The following ZNF609 variants were observed in gnomAD, a reference collection of about 807,000 sequenced individuals.
The protein encoded by ZNF609 is zinc finger protein 609.
In ZNF609, 11 loss-of-function variants were observed where a neutral mutation model predicts 109.5. The ratio of observed to expected loss-of-function variants is 0.10; its 90% CI spans 0.06 to 0.17. The LOEUF is 0.17. Ranked by LOEUF, ZNF609 falls within the 10% of genes least tolerant of loss-of-function variation. The pLI, the probability that ZNF609 is intolerant of heterozygous loss-of-function variation, is 1.00. For missense variants in ZNF609, 1,559 were observed against 1,772.4 expected (o/e 0.88, Z 2.16); for synonymous variants, 646 against 662.0 (o/e 0.98, Z 0.37).
At chr15:64,471,461 A>G (rs1322195544) in intron 1 of ZNF609, 1 of 152,136 alleles carries the variant, frequency 6.6e-6, no homozygotes, top group East Asian at 1.9e-4. Flanking sequence ...GCCTTGCTTT[A>G]TTCCCAGCCA....
At chr15:64,629,031 A>G (rs1348065897) in intron 3 of ZNF609, among the ~76,000 whole-genome samples, 1 of 152,126 alleles carries the variant, frequency 6.6e-6, no homozygotes, top group Non-Finnish European at 1.5e-5. Flanking sequence ...AGTCCTTCCT[A>G]GACTTCTATT....
intron 2 of ZNF609, among the ~76,000 whole-genome samples, chr15:64,582,159 A>C (rs538317050): frequency 6.6e-6 from 1 of 152,280 alleles, no homozygotes; most frequent in South Asian, 2.1e-4. Flanking sequence ...TTGTAAATAA[A>C]GTTTGTTTAA....
At chr15:64,484,894 AACCCGGGAGGCGG>A (rs1893311070) in intron 1 of ZNF609, among the ~76,000 whole-genome samples, 1 of 151,982 alleles carries the variant, frequency 6.6e-6, no homozygotes, top group South Asian at 2.1e-4. Flanking sequence ...GAACCGCTTG[AACCCGGGAGGCGG>A]AGGTTGCAGT....
chr15:64,613,475 T>G (rs537563036), intron 2 of ZNF609, among the ~76,000 whole-genome samples: 1 of 152,346 alleles, frequency 6.6e-6, no homozygotes, highest in South Asian at 2.1e-4. Context: ...AATTATCCCA[T>G]GATGTCTACC....
intron 2 of ZNF609, among the ~76,000 whole-genome samples, chr15:64,538,629 C>T (rs181709394): frequency 6.6e-6 from 1 of 152,276 alleles, no homozygotes; most frequent in Non-Finnish European, 1.5e-5. Context: ...TCACCGCAAC[C>T]TCCGCCTCCT....
intron 2 of ZNF609, among the ~76,000 whole-genome samples, chr15:64,507,269 A>G (rs1420353258): frequency 6.6e-6 from 1 of 152,210 alleles, no homozygotes; most frequent in South Asian, 2.1e-4. Flanking sequence ...CTTAGCCCTT[A>G]ATCTTCCTCC....
intron 1 of ZNF609, among the ~76,000 whole-genome samples, chr15:64,490,734 C>A (rs1267620659): frequency 6.6e-6 from 1 of 152,128 alleles, no homozygotes; most frequent in East Asian, 1.9e-4. Flanking sequence ...TTCAGGATAC[C>A]ATTTAGCCTA....
At chr15:64,603,539 G>A (rs1437215609) in intron 2 of ZNF609, among the ~76,000 whole-genome samples, 2 of 151,684 alleles carry the variant, frequency 1.3e-5, no homozygotes, top group Non-Finnish European at 2.9e-5. Flanking sequence ...AAAGTACTGG[G>A]ATTACAGGCG....
chr15:64,661,278 C>T (rs1477384112), intron 3 of ZNF609, among the ~76,000 whole-genome samples: 4 of 152,270 alleles, frequency 2.6e-5, no homozygotes, highest in East Asian at 1.9e-4. Flanking sequence ...CACTATCTGA[C>T]ATATGCTTAC....
chr15:64,493,530 GT>G, intron 1 of ZNF609, among the ~76,000 whole-genome samples: 1 of 152,234 alleles, frequency 6.6e-6, no homozygotes, highest in South Asian at 2.1e-4. Context: ...ACCTATCTTG[GT>G]CCCTTAAACA....
chr15:64,586,326 C>CAA (rs1206630683), intron 2 of ZNF609, among the ~76,000 whole-genome samples: 29 of 92,882 alleles, frequency 3.1e-4, no homozygotes, highest in African/African-American at 1.0e-3. Context: ...AACTCGGTCT[C>CAA]AAAAAAAAAA....
chr15:64,615,099 G>A (rs1567029979), intron 2 of ZNF609, among the ~76,000 whole-genome samples: 1 of 152,112 alleles, frequency 6.6e-6, no homozygotes, highest in Non-Finnish European at 1.5e-5. Flanking sequence ...TTACAGGCGT[G>A]AGCCACCAGG....
chr15:64,599,171 T>TTG (rs1397529651), intron 2 of ZNF609, among the ~76,000 whole-genome samples: 1 of 136,998 alleles, frequency 7.3e-6, no homozygotes, highest in African/African-American at 3.1e-5. Context: ...TGTGGTGGTT[T>TTG]TTTTTTTTTT....
At chr15:64,503,755 C>T (rs528752533) in intron 2 of ZNF609, among the ~76,000 whole-genome samples, 7 of 152,274 alleles carry the variant, frequency 4.6e-5, no homozygotes, top group South Asian at 2.1e-4. Context: ...TTGCTTTTCC[C>T]GTGTTTGAAT....
At chr15:64,543,976 G>A (rs1167786255) in intron 2 of ZNF609, among the ~76,000 whole-genome samples, 1 of 152,102 alleles carries the variant, frequency 6.6e-6, no homozygotes, top group African/African-American at 2.4e-5. Context: ...GGTAGTAGCT[G>A]TTCCATAAGT....
intron 3 of ZNF609, among the ~76,000 whole-genome samples, chr15:64,652,224 A>C (rs539054028): frequency 7.9e-5 from 12 of 152,006 alleles, no homozygotes; most frequent in African/African-American, 2.4e-4. Flanking sequence ...GGATTTCACT[A>C]TGTTGGCCAG....
At chr15:64,658,610 T>A (rs1463418647) in intron 3 of ZNF609, among the ~76,000 whole-genome samples, 1 of 151,934 alleles carries the variant, frequency 6.6e-6, no homozygotes, top group Non-Finnish European at 1.5e-5. Context: ...ATATTATGTA[T>A]AATATATGTT....
chr15:64,601,764 G>A (rs963212949), intron 2 of ZNF609, among the ~76,000 whole-genome samples: 2 of 152,158 alleles, frequency 1.3e-5, no homozygotes, highest in South Asian at 4.1e-4. Flanking sequence ...CAGACCATAC[G>A]TGGTGCTTAA....
chr15:64,538,780 A>G (rs1363084999), intron 2 of ZNF609, among the ~76,000 whole-genome samples: 1 of 152,084 alleles, frequency 6.6e-6, no homozygotes, highest in Non-Finnish European at 1.5e-5. Context: ...TCCCGACCTC[A>G]AGTGATCCAC....
Sources: gnomAD v4.1 joint callset for allele counts (sites outside exome capture counted in the v4.1 genomes callset) on GRCh38, gnomAD v4.1.1 for gene constraint, MANE v1.5 for transcripts, NCBI Gene and HGNC (gene_info 2026-07-23, HGNC 2026-07-21) for gene names.